Variants in KAT6A observed in about 807,000 individuals in gnomAD.
The protein encoded by KAT6A is lysine acetyltransferase 6A, also known as histone acetyltransferase KAT6A.
Under a neutral mutation model 198.4 loss-of-function variants are expected in KAT6A, and 9 were observed. That is an observed-to-expected ratio of 0.05 (90% CI 0.03 to 0.08). The LOEUF is 0.08. Ranked by LOEUF, KAT6A falls within the 10% of genes least tolerant of loss-of-function variation. KAT6A has a pLI of 1.00. For missense variants in KAT6A, 2,077 were observed against 2,509.9 expected, an observed-to-expected ratio of 0.83 and a Z score of 3.69; for synonymous variants, 890 against 883.0, an observed-to-expected ratio of 1.01 and a Z score of -0.14.
intron 14 of KAT6A, chr8:41,941,933 T>C (rs917576655): frequency 2.0e-4 from 35 of 172,900 alleles, no homozygotes; most frequent in Middle Eastern, 2.2e-3. Flanking sequence ...TCTTGAGACA[T>C]GGGCAAGAGG....
intron 1 of KAT6A, among the ~76,000 whole-genome samples, chr8:42,050,787 C>T (rs1364379286): frequency 6.6e-6 from 1 of 152,098 alleles, no homozygotes; most frequent in Admixed American, 6.5e-5. Flanking sequence ...CTAAGCTTCG[C>T]AGGTAAAAGA....
At chr8:41,979,572 GATTCCA>G (rs1190450833) in intron 5 of KAT6A, among the ~76,000 whole-genome samples, 1 of 151,888 alleles carries the variant, frequency 6.6e-6, no homozygotes, top group Non-Finnish European at 1.5e-5. Context: ...AACAGAGTGA[GATTCCA>G]ACTCCAAAAA....
intron 2 of KAT6A, among the ~76,000 whole-genome samples, chr8:42,040,735 C>CAAAAAAAAAAAAA (rs59959496): frequency 2.2e-4 from 12 of 54,626 alleles, no homozygotes; most frequent in South Asian, 6.3e-4. Context: ...GACTCTGTCT[C>CAAAAAAAAAAAAA]AAAAAAAAAA....
chr8:42,024,291 G>C (rs1030668879), intron 2 of KAT6A, among the ~76,000 whole-genome samples: 3 of 152,154 alleles, frequency 2.0e-5, no homozygotes, highest in African/African-American at 7.2e-5. Context: ...ACTAGGTGTA[G>C]AAACTGTTCA....
intron 2 of KAT6A, among the ~76,000 whole-genome samples, chr8:41,990,948 T>A (rs1227518870): frequency 7.5e-6 from 1 of 133,914 alleles, no homozygotes; most frequent in East Asian, 2.2e-4. Context: ...TGAGCCAAGA[T>A]TGTGCCATTG....
rs752609755 is a variant in KAT6A, at chr8:41,975,653, T to C, written c.1364-831A>G. ...ATCTAAAGGTACTATGTGACTTTAA[T>C]GCCCCCTAGTGCATGATGCATGCAC... On this transcript the variant is annotated intron_variant, in intron 7 of 16. Transcript: ENST00000265713. Among the ~76,000 whole-genome samples, 44 of 152,202 alleles carry C rather than the reference T, an allele frequency of 2.9e-4. 1 individual carries two copies. Among genetic ancestry groups the C allele is most frequent in the Non-Finnish European group, 3.1e-4 (21 of 68,030 alleles).
At position 42,049,221 on chromosome 8, in the gene KAT6A, C is replaced by T; in HGVS notation, c.-244G>A. ...CCCAATGAATTTCTCAATAGCACCA[C>T]ACATGGGTCTCGTCATAAAGTTGTA... On this transcript the variant is annotated 5_prime_UTR_variant, in exon 2 of 17. The change creates a new upstream start codon in the 5' untranslated region. Transcript: ENST00000265713. The T allele has an allele frequency of 2.1e-6, 1 of 471,356 alleles. No homozygotes were observed. The highest frequency in any genetic ancestry group is 3.7e-6 in the Non-Finnish European group (1 of 268,146). 29.2% of individuals were successfully genotyped at this position (471,356 alleles called of 1,614,324 possible).
chr8:42,009,887 CCT>C (rs1825928097), intron 2 of KAT6A, among the ~76,000 whole-genome samples: 1 of 127,114 alleles, frequency 7.9e-6, no homozygotes, highest in African/African-American at 3.1e-5. Flanking sequence ...AGGACAAAGC[CCT>C]GTCTCAAAAA....
intron 8 of KAT6A, among the ~76,000 whole-genome samples, chr8:41,962,462 T>C (rs569585977): frequency 1.3e-5 from 2 of 152,134 alleles, no homozygotes; most frequent in Non-Finnish European, 2.9e-5. Flanking sequence ...GCTTTCACAA[T>C]GCATCAACAT....
chr8:42,046,995 A>T (rs1401510353), intron 2 of KAT6A, among the ~76,000 whole-genome samples: 1 of 152,240 alleles, frequency 6.6e-6, no homozygotes, highest in Non-Finnish European at 1.5e-5. Flanking sequence ...TTCAATTGTT[A>T]AAGAAAAATC....
At chr8:42,009,907 A>C (rs575532199) in intron 2 of KAT6A, among the ~76,000 whole-genome samples, 61 of 138,380 alleles carry the variant, frequency 4.4e-4, no homozygotes, top group South Asian at 2.4e-3. Context: ...AAAAAAAAAA[A>C]AAAAAAACAA....
intron 2 of KAT6A, among the ~76,000 whole-genome samples, chr8:41,991,137 T>C (rs1824925209): frequency 6.6e-6 from 1 of 152,066 alleles, no homozygotes; most frequent in Admixed American, 6.6e-5. Context: ...ATCCAGCACT[T>C]CCACTCCTAG....
rs947091585 is a variant in KAT6A, at chr8:41,932,625, G to A, written c.5595C>T (p.Pro1865=). The A allele has an allele frequency of 1.2e-6, 2 of 1,614,008 alleles. No homozygotes were observed. The highest frequency in any genetic ancestry group is 2.7e-5 in the African/African-American group (2 of 74,956). The part of the protein sequence containing the change: ...ISIRSKSAPL[P]SAAAHQQQLY... ...GCTGCTGCTGGTGAGCAGCCGCAGA[G>A]GGCAGTGGCGCAGACTTGGAGCGGA... is the stretch of plus-strand genomic sequence containing the variant. The change falls in exon 17 of 17, where the codon CCC becomes CCT. Residue 1865 remains proline (P), a synonymous_variant. Coordinates refer to ENST00000265713, the MANE Select transcript of KAT6A (RefSeq NM_006766.5).
At chr8:42,028,242 C>T (rs1436463988) in intron 2 of KAT6A, among the ~76,000 whole-genome samples, 1 of 152,136 alleles carries the variant, frequency 6.6e-6, no homozygotes, top group Admixed American at 6.5e-5. Flanking sequence ...AAATACCAGT[C>T]AGGTCCATTT....
intron 2 of KAT6A, among the ~76,000 whole-genome samples, chr8:42,006,318 C>T (rs1475566003): frequency 6.6e-6 from 1 of 152,116 alleles, no homozygotes; most frequent in African/African-American, 2.4e-5. Flanking sequence ...AAAACTGTAC[C>T]TGGAATGTAA....
intron 2 of KAT6A, among the ~76,000 whole-genome samples, chr8:42,045,937 A>C (rs1318910191): frequency 1.3e-5 from 2 of 152,198 alleles, no homozygotes; most frequent in East Asian, 3.9e-4. Flanking sequence ...GTGAGCTGAG[A>C]TCACACCACT....
intron 2 of KAT6A, among the ~76,000 whole-genome samples, chr8:42,032,228 T>C (rs569035540): frequency 1.3e-5 from 2 of 152,292 alleles, no homozygotes; most frequent in African/African-American, 4.8e-5. Context: ...AGTACTAAGA[T>C]TGAACAGACC....
At chr8:41,980,949 A>G (rs1319489909) in intron 4 of KAT6A, 22 bp from the exon 5 acceptor site, 2 of 1,538,832 alleles carry the variant, frequency 1.3e-6, no homozygotes, top group Admixed American at 1.7e-5. Flanking sequence ...AAGAAAGGAC[A>G]GTTTTGCTTA....
At chr8:42,033,027 T>C (rs569046399) in intron 2 of KAT6A, among the ~76,000 whole-genome samples, 1 of 151,972 alleles carries the variant, frequency 6.6e-6, no homozygotes, top group Admixed American at 6.6e-5. Context: ...TACAGGCACC[T>C]ACCACCACAC....
Sources: gnomAD v4.1 joint callset for allele counts (sites outside exome capture counted in the v4.1 genomes callset) on GRCh38, gnomAD v4.1.1 for gene constraint, MANE v1.5 for transcripts, NCBI Gene and HGNC (gene_info 2026-07-23, HGNC 2026-07-21) for gene names.